The following HBEGF variants were observed in gnomAD, a reference collection of about 807,000 sequenced individuals.
HBEGF encodes heparin binding EGF like growth factor.
A neutral mutation model predicts 19.5 loss-of-function variants in HBEGF; 8 were observed. The ratio of observed to expected loss-of-function variants is 0.41; its 90% CI spans 0.24 to 0.74. The LOEUF (loss-of-function observed/expected upper bound fraction) is 0.74. Ranked by LOEUF, HBEGF falls within the 30% of genes least tolerant of loss-of-function variation. The pLI, the probability that HBEGF is intolerant of heterozygous loss-of-function variation, is 0.32. For synonymous variants in HBEGF, 97 were observed against 108.9 expected (o/e 0.89, Z 0.68); for missense variants, 207 against 256.9 (o/e 0.81, Z 1.33).
In HBEGF at chr5:140,340,179, A is replaced by G. The variant is rs924896346; in HGVS notation, c.398+2456T>C. ...CATGTGCCTGTAATACCAGCTGCTC[A>G]GGAGGCTGAAGCAGGAAAATCACTT... is the stretch of plus-strand genomic sequence containing the variant. On this transcript the variant is annotated intron_variant, in intron 3 of 5. Transcript: ENST00000230990. Among the ~76,000 whole-genome samples the G allele has an allele frequency of 5.3e-5, 8 of 152,190 alleles. No individual in the cohort carries two copies. In the East Asian group the frequency reaches 1.5e-3, roughly 29 times the overall value.
chr5:140,337,196 A>C (rs374977041), intron 3 of HBEGF, among the ~76,000 whole-genome samples: 1 of 152,216 alleles, frequency 6.6e-6, no homozygotes, highest in Non-Finnish European at 1.5e-5. Flanking sequence ...ACGTGCTTAC[A>C]GTTGAAGAAG....
chr5:140,339,592 C>G lies in HBEGF; in HGVS notation c.398+3043G>C, dbSNP rs1766277997. Among the ~76,000 whole-genome samples the G allele has an allele frequency of 2.6e-5, 4 of 152,042 alleles. No individual in the cohort carries two copies. In the South Asian group the frequency reaches 8.3e-4, roughly 32 times the overall value. On this transcript the variant is annotated intron_variant, in intron 3 of 5. Transcript: ENST00000230990. ...ATTTTTAGTAGAGACGGGGGTTTCT[C>G]TATGTTGGCCAGGCTGGTCTCGAAC...
Position 140,340,365 on chromosome 5 carries a change from A to G in HBEGF, c.398+2270T>C, listed in dbSNP as rs112401462. On this transcript the variant is annotated intron_variant, in intron 3 of 5. Transcript: ENST00000230990. ...GAGGCTGAGGCAGGCGGATCACCTGAGGTCAAGAGTTCAAGACCAGCCTGG... is the reference window on the plus strand; with the variant it reads ...GAGGCTGAGGCAGGCGGATCACCTGGGGTCAAGAGTTCAAGACCAGCCTGG... 1.6e-3 allele frequency among the ~76,000 whole-genome samples: 247 copies of G among 152,126 alleles called. 1 individual carries two copies. The highest frequency in any genetic ancestry group is 5.6e-3 in the African/African-American group (233 of 41,490).
chr5:140,334,345 G>T, intron 5 of HBEGF, 65 bp from the exon 6 acceptor site: 1 of 298,788 alleles, frequency 3.3e-6, no homozygotes, highest in East Asian at 6.7e-5. Context: ...GATTTTCCTG[G>T]TCCAGTCTTT....
chr5:140,342,134 C>T (rs890720020), intron 3 of HBEGF, among the ~76,000 whole-genome samples: 14 of 152,310 alleles, frequency 9.2e-5, no homozygotes, highest in Middle Eastern at 6.8e-3. Flanking sequence ...CATGATGATC[C>T]CTCTCTGTAC....
chr5:140,342,711 A>G lies in HBEGF; in HGVS notation c.322T>C (p.Cys108Arg). The G allele has an allele frequency of 2.5e-6, 4 of 1,614,188 alleles. No individual in the cohort carries two copies. Among genetic ancestry groups the G allele is most frequent in the Non-Finnish European group, 3.4e-6 (4 of 1,180,020 alleles). The change falls in exon 3 of 6, where the codon TGT (cysteine) becomes CGT (arginine). Residue 108 changes from cysteine to arginine, a missense_variant. Cys to Arg is a radical substitution (Grantham distance 180). Coordinates refer to ENST00000230990, the MANE Select transcript of HBEGF (RefSeq NM_001945.3). ...GKGLGKKRDPCLRKYKDFCIH... is the reference protein window; with the variant it reads ...GKGLGKKRDPRLRKYKDFCIH... ...CAGAAGTCCTTGTATTTCCGAAGACATGGGTCCCTCTTCTTCCCTAGCCCC... is the reference window on the plus strand; with the variant it reads ...CAGAAGTCCTTGTATTTCCGAAGACGTGGGTCCCTCTTCTTCCCTAGCCCC...
Position 140,345,955 on chromosome 5 carries a change from C to T in HBEGF, c.176G>A (p.Arg59Gln). 2 of 1,614,220 alleles carry T rather than the reference C, an allele frequency of 1.2e-6. No individual in the cohort carries two copies. Among genetic ancestry groups the T allele is most frequent in the Non-Finnish European group, 1.7e-6 (2 of 1,180,036 alleles). Residue 59 changes from arginine (R) to glutamine (Q), a missense_variant, in exon 2 of 6, where the codon CGG (arginine) becomes CAG (glutamine). Transcript: ENST00000230990. ...TGCCTCTTGCAAGTCACGGACTTTC[C>T]GGTCCCGGCCGCCTCCTAGGGGTAG... The part of the protein sequence containing the change: ...QLLPLGGGRD[R>Q]KVRDLQEADL...
chr5:140,344,603 GGAAGA>G (rs1241845162), intron 2 of HBEGF, among the ~76,000 whole-genome samples: 1 of 151,974 alleles, frequency 6.6e-6, no homozygotes, highest in Non-Finnish European at 1.5e-5. Flanking sequence ...CCAAAAGAAG[GGAAGA>G]GAAGTAGGTG....
rs138811385 is a variant in HBEGF, at chr5:140,334,652, C to A, written c.*18+6G>T. On this transcript the variant is annotated splice_donor_region_variant and intron_variant, in intron 5 of 5. Coordinates refer to ENST00000230990, the MANE Select transcript of HBEGF (RefSeq NM_001945.3). Reference sequence around the variant, plus strand: ...TCATGTCATGGGGCAAAGGATGGAGCGTTACCTTGAGCACAAGTCTCTCTC... The same window carrying A: ...TCATGTCATGGGGCAAAGGATGGAGAGTTACCTTGAGCACAAGTCTCTCTC... 6.4e-7 allele frequency: 1 copy of A among 1,572,688 alleles called. No individual in the cohort carries two copies. The highest frequency in any genetic ancestry group is 1.7e-5 in the Admixed American group (1 of 59,988).
Position 140,346,411 on chromosome 5 carries a change from C to T in HBEGF, c.-83G>A, listed in dbSNP as rs1464366375. The T allele has an allele frequency of 2.2e-5, 33 of 1,485,510 alleles. No homozygotes were observed. The highest frequency in any genetic ancestry group is 1.8e-4 in the Middle Eastern group (1 of 5,714). 92.0% of individuals were successfully genotyped at this position (1,485,510 alleles called of 1,614,324 possible). A position where few individuals can be genotyped will look rare whatever the true frequency, so the allele number is the denominator to read the frequency against. On this transcript the variant is annotated 5_prime_UTR_variant, in exon 1 of 6. Coordinates refer to ENST00000230990, the MANE Select transcript of HBEGF (RefSeq NM_001945.3). The surrounding 1 kb of genome is among the most constrained non-coding windows in gnomAD (Gnocchi z 6.1). Reference sequence around the variant, plus strand: ...GGGCGCTGGCACCAGAGCTGGGCGGCGGAGCTCAGGAGATTCCGCCGGGCA... The same window carrying T: ...GGGCGCTGGCACCAGAGCTGGGCGGTGGAGCTCAGGAGATTCCGCCGGGCA...
intron 2 of HBEGF, among the ~76,000 whole-genome samples, chr5:140,344,136 TAAAAAAAAAAAAA>T (rs5871732): frequency 2.2e-5 from 3 of 138,436 alleles, no homozygotes; most frequent in African/African-American, 8.0e-5. Context: ...AGACTATGTT[TAAAAAAAAAAAAA>T]AGAAAAAAAG....
At chr5:140,343,896 G>A (rs1357026378) in intron 2 of HBEGF, among the ~76,000 whole-genome samples, 1 of 152,214 alleles carries the variant, frequency 6.6e-6, no homozygotes, top group Non-Finnish European at 1.5e-5. Context: ...CAACACTTTG[G>A]GAGGCTGAGG....
chr5:140,346,177 C>T lies in HBEGF; in HGVS notation c.47-93G>A, dbSNP rs1339781775. On this transcript the variant is annotated intron_variant, in intron 1 of 5. Transcript: ENST00000230990. The surrounding 1 kb of genome is among the most constrained non-coding windows in gnomAD (Gnocchi z 6.1). The stretch of plus-strand genomic sequence containing the variant: ...ACGCCCGTCCGCCAGAGCGCAAGGG[C>T]CCCACCAAGTGGCCCGTGCCGGGTG... The T allele has an allele frequency of 6.4e-7, 1 of 1,558,344 alleles. No individual in the cohort carries two copies. Among genetic ancestry groups the T allele is most frequent in the African/African-American group, 1.4e-5 (1 of 73,436 alleles).
At position 140,333,976 on chromosome 5, in the gene HBEGF, T is replaced by C. The variant is rs1024339796; in HGVS notation, c.*323A>G. ...CAAAGATCCTGGAGCATATGGAATTTAACCGGCATTCTAATCCAGAAGATA... is the reference window on the plus strand; with the variant it reads ...CAAAGATCCTGGAGCATATGGAATTCAACCGGCATTCTAATCCAGAAGATA... On this transcript the variant is annotated 3_prime_UTR_variant, in exon 6 of 6. Coordinates refer to ENST00000230990, the MANE Select transcript of HBEGF (RefSeq NM_001945.3). 1.3e-5 allele frequency: 2 copies of C among 152,652 alleles called. No homozygotes were observed. The highest frequency in any genetic ancestry group is 4.8e-5 in the African/African-American group (2 of 41,448). 9.5% of individuals were successfully genotyped at this position (152,652 alleles called of 1,614,324 possible).
chr5:140,338,248 T>G (rs1388987483), intron 3 of HBEGF, among the ~76,000 whole-genome samples: 2 of 152,230 alleles, frequency 1.3e-5, no homozygotes, highest in Non-Finnish European at 2.9e-5. Flanking sequence ...CATTGAAGGC[T>G]TACCATGAGC....
rs11465448 is a variant in HBEGF at position 140,338,833 on chromosome 5, C to G, written c.399-2806G>C. On this transcript the variant is annotated intron_variant, in intron 3 of 5. Transcript: ENST00000230990. ...CTTGTATTACAACAGATGCAAGAAC[C>G]CTCTAGGGTCCAGAGACATCTTCCA... Among the ~76,000 whole-genome samples the G allele has an allele frequency of 2.9e-3, 445 of 152,274 alleles. 2 individuals are homozygous for G. Among genetic ancestry groups the G allele is most frequent in the African/African-American group, 0.01 (425 of 41,548 alleles).
chr5:140,340,595 A>C, intron 3 of HBEGF, among the ~76,000 whole-genome samples: 2 of 150,644 alleles, frequency 1.3e-5, no homozygotes, highest in Middle Eastern at 3.4e-3. Context: ...AAAAAAAAAA[A>C]AAAAAAAAAA....
chr5:140,342,461 G>A (rs547942787), intron 3 of HBEGF, among the ~76,000 whole-genome samples, 174 bp downstream of exon 3: 4 of 152,178 alleles, frequency 2.6e-5, no homozygotes, highest in Non-Finnish European at 5.9e-5. Context: ...CATCCTATAG[G>A]GGGGAGGGGG....
chr5:140,343,467 C>T (rs1360957729), intron 2 of HBEGF, among the ~76,000 whole-genome samples: 1 of 152,150 alleles, frequency 6.6e-6, no homozygotes, highest in South Asian at 2.1e-4. Flanking sequence ...ACTTGCATAC[C>T]CTTTACAGCT....
Sources: gnomAD v4.1 joint callset for allele counts (sites outside exome capture counted in the v4.1 genomes callset) on GRCh38, gnomAD v4.1.1 for gene constraint, Gnocchi (gnomAD v3.1) non-coding constraint, MANE v1.5 for transcripts, NCBI Gene and HGNC (gene_info 2026-07-23, HGNC 2026-07-21) for gene names.